Variants in LIN28B observed in about 807,000 individuals in gnomAD.
LIN28B encodes the protein lin-28 RNA binding posttranscriptional regulator B.
In LIN28B, 5 loss-of-function variants were observed where a neutral mutation model predicts 21.9. That is an observed-to-expected ratio of 0.23 (90% CI 0.12 to 0.48). The LOEUF is 0.48. LIN28B is among the 20% of genes least tolerant of loss of function. LIN28B has a pLI of 0.98. For synonymous variants in LIN28B, 109 were observed against 111.3 expected (o/e 0.98, Z 0.13); for missense variants, 245 against 310.5 (o/e 0.79, Z 1.58).
At chr6:105,008,266 G>A (rs886126485) in intron 2 of LIN28B, among the ~76,000 whole-genome samples, 1 of 152,124 alleles carries the variant, frequency 6.6e-6, no homozygotes, top group Non-Finnish European at 1.5e-5. Context: ...AAATGACATT[G>A]TATCTTGAGA....
rs1772526958 is a variant in LIN28B at position 105,080,612 on chromosome 6, C to T, written c.*1829C>T. On this transcript the variant is annotated 3_prime_UTR_variant, in exon 4 of 4. Transcript: ENST00000345080. ...GCTGTGATGCAAAGCTTACCTTTGACGATATTGAATGTGATATAGCTGTAG... is the reference window on the plus strand; with the variant it reads ...GCTGTGATGCAAAGCTTACCTTTGATGATATTGAATGTGATATAGCTGTAG... The T allele has an allele frequency of 6.6e-6, 1 of 152,514 alleles. No homozygotes were observed. The highest frequency in any genetic ancestry group is 1.5e-5 in the Non-Finnish European group (1 of 68,036). 9.4% of individuals were successfully genotyped at this position (152,514 alleles called of 1,614,324 possible). A position where few individuals can be genotyped will look rare whatever the true frequency, so the allele number is the denominator to read the frequency against.
At chr6:104,969,899 C>T (rs1251256665) in intron 2 of LIN28B, among the ~76,000 whole-genome samples, 1 of 152,170 alleles carries the variant, frequency 6.6e-6, no homozygotes, top group Non-Finnish European at 1.5e-5. Flanking sequence ...CATCTAGACC[C>T]AGGTTTAAAC....
chr6:105,057,571 A>G (rs1772044236), intron 3 of LIN28B, among the ~76,000 whole-genome samples: 1 of 152,170 alleles, frequency 6.6e-6, no homozygotes, highest in African/African-American at 2.4e-5. Flanking sequence ...TTATCTTAGT[A>G]TCCCCGTGTA....
At chr6:105,039,450 C>G (rs1265411122) in intron 3 of LIN28B, among the ~76,000 whole-genome samples, 1 of 151,866 alleles carries the variant, frequency 6.6e-6, no homozygotes, top group African/African-American at 2.4e-5. Context: ...TTTTAAAAAC[C>G]CTACTGTATT....
upstream of LIN28B, chr6:104,957,014 G>C: frequency 7.7e-7 from 1 of 1,306,136 alleles, no homozygotes; most frequent in Non-Finnish European, 1.0e-6. Flanking sequence ...GCCCCTTAAG[G>C]ATACGAGGTG....
At chr6:105,050,650 G>GC (rs1466696828) in intron 3 of LIN28B, among the ~76,000 whole-genome samples, 2 of 136,774 alleles carry the variant, frequency 1.5e-5, no homozygotes, top group Non-Finnish European at 3.1e-5. Flanking sequence ...TTGAACATTG[G>GC]CCCCCACTCT....
At chr6:105,074,488 G>A (rs770116901) in intron 3 of LIN28B, among the ~76,000 whole-genome samples, 8 of 152,064 alleles carry the variant, frequency 5.3e-5, no homozygotes, top group African/African-American at 1.4e-4. Flanking sequence ...GTGAGCCACC[G>A]CGTCAGGCCT....
Position 104,958,156 on chromosome 6 carries a change from A to G in LIN28B, c.68A>G (p.Glu23Gly). 1 of 1,606,994 alleles carries G rather than the reference A, an allele frequency of 6.2e-7. No homozygotes were observed. The highest frequency in any genetic ancestry group is 8.5e-7 in the Non-Finnish European group (1 of 1,174,714). ...EPGKLPEPAEEESQVLRGTGH... is the reference protein window; with the variant it reads ...EPGKLPEPAEGESQVLRGTGH... Reference sequence around the variant, plus strand: ...GGGAAGCTGCCGGAGCCGGCAGAGGAGGAATCCCAGGTTTTGCGCGGAACT... The same window carrying G: ...GGGAAGCTGCCGGAGCCGGCAGAGGGGGAATCCCAGGTTTTGCGCGGAACT... Residue 23 changes from glutamate to glycine, a missense_variant, in exon 2 of 4, where the codon GAG becomes GGG. By Grantham distance (98) the Glu-to-Gly change is moderately conservative. Transcript: ENST00000345080.
chr6:105,028,768 C>G (rs1270935191), intron 3 of LIN28B, among the ~76,000 whole-genome samples: 1 of 152,140 alleles, frequency 6.6e-6, no homozygotes, highest in Non-Finnish European at 1.5e-5. Flanking sequence ...AGTTCCAGCA[C>G]TGGAGTTAAA....
intron 3 of LIN28B, among the ~76,000 whole-genome samples, chr6:105,040,870 T>C (rs1771618322): frequency 6.6e-6 from 1 of 152,126 alleles, no homozygotes; most frequent in Non-Finnish European, 1.5e-5. Flanking sequence ...TATCTTTAAA[T>C]TTCCTCCTTA....
intron 2 of LIN28B, among the ~76,000 whole-genome samples, chr6:104,959,049 AT>A (rs1769655654): frequency 6.6e-6 from 1 of 152,050 alleles, no homozygotes; most frequent in South Asian, 2.1e-4. Context: ...TTGTGTTGTA[AT>A]TTTTAAAGAT....
intron 3 of LIN28B, among the ~76,000 whole-genome samples, chr6:105,045,399 G>A (rs891878723): frequency 3.4e-5 from 5 of 147,316 alleles, no homozygotes; most frequent in Admixed American, 2.1e-4. Flanking sequence ...CAATTCTCCT[G>A]CCTCAGCCTC....
chr6:104,985,175 G>T (rs1207832247), intron 2 of LIN28B, among the ~76,000 whole-genome samples: 1 of 152,202 alleles, frequency 6.6e-6, no homozygotes, highest in South Asian at 2.1e-4. Context: ...GCTGGAGCTT[G>T]TAAGTTGGAC....
chr6:104,959,723 T>TC (rs1166723011), intron 2 of LIN28B, among the ~76,000 whole-genome samples: 6 of 152,204 alleles, frequency 3.9e-5, no homozygotes, highest in Admixed American at 2.0e-4. Context: ...TTCTGTTTTT[T>TC]CCCCTCTAAG....
upstream of LIN28B, among the ~76,000 whole-genome samples, chr6:104,955,218 C>G (rs1778270590): frequency 6.6e-6 from 1 of 152,056 alleles, no homozygotes; most frequent in Non-Finnish European, 1.5e-5. Context: ...TAATTTCTAC[C>G]ATCAAAATAA....
intron 2 of LIN28B, among the ~76,000 whole-genome samples, chr6:105,010,712 A>G (rs1346349810): frequency 6.6e-6 from 1 of 152,198 alleles, no homozygotes; most frequent in African/African-American, 2.4e-5. Flanking sequence ...AGAGTTCACT[A>G]TCTTTTTTGA....
At chr6:105,073,853 A>T (rs1582934041) in intron 3 of LIN28B, among the ~76,000 whole-genome samples, 1 of 152,250 alleles carries the variant, frequency 6.6e-6, no homozygotes, top group Admixed American at 6.5e-5. Context: ...ATTTTAACCT[A>T]GTGGTTGTCC....
intron 2 of LIN28B, among the ~76,000 whole-genome samples, chr6:104,950,134 A>G (rs1349753108): frequency 1.3e-5 from 2 of 152,186 alleles, no homozygotes; most frequent in African/African-American, 2.4e-5. Context: ...AAAAAATACT[A>G]GTATTTTAAA....
At chr6:104,954,414 A>C (rs1178123764), upstream of LIN28B, among the ~76,000 whole-genome samples, 1 of 152,090 alleles carries the variant, frequency 6.6e-6, no homozygotes, top group Non-Finnish European at 1.5e-5. Flanking sequence ...CATATTCTTA[A>C]ATTGGTGAGT....
Sources: gnomAD v4.1 joint callset for allele counts (sites outside exome capture counted in the v4.1 genomes callset) on GRCh38, gnomAD v4.1.1 for gene constraint, MANE v1.5 for transcripts, NCBI Gene and HGNC (gene_info 2026-07-23, HGNC 2026-07-21) for gene names.